PLEKHA7: variants seen among roughly 807,000 people sequenced by gnomAD.
The protein encoded by PLEKHA7 is pleckstrin homology domain containing A7.
A neutral mutation model predicts 170.0 loss-of-function variants in PLEKHA7; 104 were observed. The observed-to-expected ratio is 0.61, with a 90% CI of 0.52 to 0.72. PLEKHA7 has a LOEUF of 0.72. PLEKHA7 is among the 30% of genes least tolerant of loss of function. The pLI, the probability that PLEKHA7 is intolerant of heterozygous loss-of-function variation, is 0.00. For synonymous variants in PLEKHA7, 648 were observed against 660.8 expected (o/e 0.98, Z 0.30); for missense variants, 1,615 against 1,671.7 (o/e 0.97, Z 0.59).
At chr11:16,878,810 A>C (rs941122474) in intron 3 of PLEKHA7, among the ~76,000 whole-genome samples, 1 of 152,224 alleles carries the variant, frequency 6.6e-6, no homozygotes, top group East Asian at 1.9e-4. Context: ...TCTGGACTCA[A>C]GTAACAGAGA....
intron 3 of PLEKHA7, among the ~76,000 whole-genome samples, chr11:16,995,546 A>G (rs891536262): frequency 6.6e-6 from 1 of 152,114 alleles, no homozygotes; most frequent in African/African-American, 2.4e-5. Flanking sequence ...CACCTGCACT[A>G]TTATCCTGAC....
chr11:16,934,535 C>T (rs186096427), intron 3 of PLEKHA7, among the ~76,000 whole-genome samples: 19 of 152,310 alleles, frequency 1.2e-4, no homozygotes, highest in Admixed American at 1.2e-3. Context: ...GCTACATCAA[C>T]TTGTCCAATG....
rs11358170 is a variant in PLEKHA7 at position 16,827,829 on chromosome 11, T to TAAAA, written c.873-1243_873-1240dup. On this transcript the variant is annotated intron_variant, in intron 9 of 26. Transcript: ENST00000531066. ...AGCTGGTTTAGCTATACTCCATGGTTAAAAAAAAAAAAAAAAAGGTCCTAG... is the reference window on the plus strand; with the variant it reads ...AGCTGGTTTAGCTATACTCCATGGTTAAAAAAAAAAAAAAAAAAAAAGGTCCTAG... 2.4e-4 allele frequency among the ~76,000 whole-genome samples: 32 copies of TAAAA among 135,506 alleles called. 1 individual carries two copies. The East Asian group carries it at 2.4e-3, about 10-fold the overall frequency. 88.9% of individuals were successfully genotyped at this position (135,506 alleles called of 152,430 possible). A position where few individuals can be genotyped will look rare whatever the true frequency, so the allele number is the denominator to read the frequency against.
At position 16,778,898 on chromosome 11, in the gene PLEKHA7, T is replaced by G; in HGVS notation, c.*100A>C. The G allele has an allele frequency of 1.4e-6, 1 of 700,250 alleles. No individual in the cohort carries two copies. Among genetic ancestry groups the G allele is most frequent in the South Asian group, 1.5e-5 (1 of 67,526 alleles). The allele number at this position is 700,250 out of a possible 1,614,324, so 43.4% of individuals were successfully genotyped here. A position where few individuals can be genotyped will look rare whatever the true frequency, so the allele number is the denominator to read the frequency against. On this transcript the variant is annotated 3_prime_UTR_variant, in exon 27 of 27. Coordinates refer to ENST00000531066, the MANE Select transcript of PLEKHA7 (RefSeq NM_001329630.2). ...TGCTCCTTCCTCCGGCCGGATTCCCTGCTCAGCTGGAAGGGGTTTCCTTGG... is the reference window on the plus strand; with the variant it reads ...TGCTCCTTCCTCCGGCCGGATTCCCGGCTCAGCTGGAAGGGGTTTCCTTGG...
At chr11:17,009,004 C>G (rs1264528645) in intron 3 of PLEKHA7, among the ~76,000 whole-genome samples, 1 of 152,072 alleles carries the variant, frequency 6.6e-6, no homozygotes, top group Non-Finnish European at 1.5e-5. Flanking sequence ...CATAGGAGAC[C>G]AGGGGGTACT....
At position 16,954,534 on chromosome 11, in the gene PLEKHA7, TA is replaced by T. The variant is rs879610741; in HGVS notation, c.221+59454del. Among the ~76,000 whole-genome samples the T allele has an allele frequency of 9.4e-4, 132 of 140,966 alleles. 1 individual carries two copies. The highest frequency in any genetic ancestry group is 6.1e-3 in the South Asian group (27 of 4,422). The allele number at this position is 140,966 out of a possible 152,430, so 92.5% of individuals were successfully genotyped here. ...GGGCAACAGAGCAAGACTCTGTCTT[TA>T]AAAAAAAAAAAACAAAAACTAATAA... On this transcript the variant is annotated intron_variant, in intron 3 of 26. Coordinates refer to ENST00000531066, the MANE Select transcript of PLEKHA7 (RefSeq NM_001329630.2).
At chr11:16,995,907 G>A (rs1225214874) in intron 3 of PLEKHA7, among the ~76,000 whole-genome samples, 1 of 152,170 alleles carries the variant, frequency 6.6e-6, no homozygotes, top group Non-Finnish European at 1.5e-5. Context: ...AAACCTATCA[G>A]GATGTTCATT....
chr11:16,826,851 C>T (rs147403206), intron 9 of PLEKHA7, among the ~76,000 whole-genome samples: 72 of 152,322 alleles, frequency 4.7e-4, no homozygotes, highest in African/African-American at 1.5e-3. Flanking sequence ...TCACACTAAT[C>T]GCACTGAACC....
chr11:16,993,547 G>A (rs1337994178), intron 3 of PLEKHA7, among the ~76,000 whole-genome samples: 2 of 152,122 alleles, frequency 1.3e-5, no homozygotes, highest in Admixed American at 6.5e-5. Context: ...TGGTGGTTAC[G>A]TGAGTATAGA....
At chr11:16,894,219 T>G (rs1158653324) in intron 3 of PLEKHA7, among the ~76,000 whole-genome samples, 1 of 152,302 alleles carries the variant, frequency 6.6e-6, no homozygotes, top group East Asian at 1.9e-4. Flanking sequence ...AGACTGGACA[T>G]CTAATCAGGG....
At chr11:16,865,674 G>A (rs1225701179) in intron 4 of PLEKHA7, among the ~76,000 whole-genome samples, 1 of 151,112 alleles carries the variant, frequency 6.6e-6, no homozygotes, top group Non-Finnish European at 1.5e-5. Context: ...TCCAGCCTGG[G>A]CAACACAGGG....
chr11:16,995,852 T>C (rs573419919), intron 3 of PLEKHA7, among the ~76,000 whole-genome samples: 1 of 152,264 alleles, frequency 6.6e-6, no homozygotes, highest in African/African-American at 2.4e-5. Flanking sequence ...GATGCAGGTG[T>C]GGTTAAAAAC....
rs1861452898 is a variant in PLEKHA7 at position 16,952,304 on chromosome 11, T to A, written c.221+61685A>T. Among the ~76,000 whole-genome samples, 4 of 152,192 alleles carry A rather than the reference T, an allele frequency of 2.6e-5. No individual in the cohort carries two copies. In the South Asian group the frequency reaches 6.2e-4, roughly 24 times the overall value. On this transcript the variant is annotated intron_variant, in intron 3 of 26. Coordinates refer to ENST00000531066, the MANE Select transcript of PLEKHA7 (RefSeq NM_001329630.2). ...GAAGTGAGAGGGGAAAGGGAGGTGA[T>A]CCTATCCACTGTTGCCTGGAATAAA...
At chr11:16,830,211 T>C (rs1055877575) in intron 9 of PLEKHA7, among the ~76,000 whole-genome samples, 4 of 152,096 alleles carry the variant, frequency 2.6e-5, no homozygotes, top group African/African-American at 9.7e-5. Flanking sequence ...CTTGAAATCC[T>C]GAGCTCAAGC....
intron 3 of PLEKHA7, among the ~76,000 whole-genome samples, chr11:16,927,258 G>T (rs1250344736): frequency 6.6e-6 from 1 of 152,066 alleles, no homozygotes; most frequent in East Asian, 1.9e-4. Flanking sequence ...ACTTCCTTTT[G>T]GATAAATATA....
At chr11:16,986,171 T>C (rs942982354) in intron 3 of PLEKHA7, among the ~76,000 whole-genome samples, 1 of 152,086 alleles carries the variant, frequency 6.6e-6, no homozygotes, top group African/African-American at 2.4e-5. Flanking sequence ...GAAGCCCAAG[T>C]CAGGACACCT....
chr11:16,794,205 C>T (rs1333123417), intron 19 of PLEKHA7, among the ~76,000 whole-genome samples: 2 of 151,890 alleles, frequency 1.3e-5, no homozygotes, highest in South Asian at 2.1e-4. Context: ...TCACAAACTC[C>T]ACCCTACTCA....
At chr11:16,999,887 CA>C (rs1411069010) in intron 3 of PLEKHA7, among the ~76,000 whole-genome samples, 1 of 152,166 alleles carries the variant, frequency 6.6e-6, no homozygotes, top group Non-Finnish European at 1.5e-5. Context: ...CCCCACCCCA[CA>C]GAAGCTCTAA....
rs1410837382 is a variant in PLEKHA7 at position 16,807,128 on chromosome 11, G to GATCAGATC, written c.2008-3841_2008-3834dup. On this transcript the variant is annotated intron_variant, in intron 13 of 26. Coordinates refer to ENST00000531066, the MANE Select transcript of PLEKHA7 (RefSeq NM_001329630.2). ...TGGAATGACCCCGCTTGGAGACACGGATCAGATCATCTTACGCTTCTCCTG... is the reference window on the plus strand; with the variant it reads ...TGGAATGACCCCGCTTGGAGACACGGATCAGATCATCAGATCATCTTACGCTTCTCCTG... 12 of 977,354 alleles carry GATCAGATC rather than the reference G, an allele frequency of 1.2e-5. No homozygotes were observed. In the African/African-American group the frequency reaches 2.1e-4, roughly 17 times the overall value. The allele number at this position is 977,354 out of a possible 1,614,324, so 60.5% of individuals were successfully genotyped here.
Sources: allele counts gnomAD v4.1 joint callset (sites outside exome capture counted in the v4.1 genomes callset), GRCh38; gene constraint gnomAD v4.1.1; transcripts MANE v1.5; gene names NCBI Gene and HGNC (gene_info 2026-07-23, HGNC 2026-07-21).